Variants in BBS12 observed in about 807,000 individuals in gnomAD.
BBS12 encodes Bardet-Biedl syndrome 12.
In BBS12, 5 loss-of-function variants were observed where a neutral mutation model predicts 5.6. The ratio of observed to expected loss-of-function variants is 0.89; its 90% CI spans 0.46 to 1.86. BBS12 has a LOEUF of 1.86. Ranked by LOEUF, BBS12 falls within the 40% of genes most tolerant of loss-of-function variation. The pLI is 0.01. For synonymous variants in BBS12, 308 were observed against 306.8 expected, an observed-to-expected ratio of 1.00 and a Z score of -0.04; for missense variants, 748 against 830.4, an observed-to-expected ratio of 0.90 and a Z score of 1.22.
At chr4:122,740,066 T>A (rs1173737224) in intron 1 of BBS12, among the ~76,000 whole-genome samples, 1 of 152,094 alleles carries the variant, frequency 6.6e-6, no homozygotes, top group East Asian at 1.9e-4. Flanking sequence ...AGCCTGGTAC[T>A]TCAAGACCAG....
the BBS12 span, among the ~76,000 whole-genome samples, chr4:122,709,011 A>G: frequency 6.6e-6 from 1 of 152,168 alleles, no homozygotes; most frequent in Non-Finnish European, 1.5e-5. Flanking sequence ...AAAGCAAAAC[A>G]ACACCAAGAA....
At chr4:122,713,833 A>G in the BBS12 span, among the ~76,000 whole-genome samples, 1 of 152,038 alleles carries the variant, frequency 6.6e-6, no homozygotes, top group Admixed American at 6.6e-5. Flanking sequence ...AAAAGATTAT[A>G]CCCTTTTTCA....
chr4:122,743,536 C>CTG lies in BBS12; in HGVS notation c.1646_1647dup (p.Leu550ValfsTer10). ...GTGCAGTTGAATTTTTGTGTCTTAG[C>CTG]TGTCTTCATATTCTTGCAGAGCAAT... On this transcript the variant is annotated frameshift_variant, in exon 2 of 2. Coordinates refer to ENST00000314218, the MANE Select transcript of BBS12 (RefSeq NM_152618.3). LOFTEE classifies it low-confidence loss of function (END_TRUNC). 1 of 1,614,226 alleles carries CTG rather than the reference C, an allele frequency of 6.2e-7. No homozygotes were observed. The highest frequency in any genetic ancestry group is 8.5e-7 in the Non-Finnish European group (1 of 1,180,042).
intron 1 of BBS12, among the ~76,000 whole-genome samples, chr4:122,736,828 G>T (rs1282349363): frequency 1.3e-5 from 2 of 152,092 alleles, no homozygotes; most frequent in African/African-American, 4.8e-5. Flanking sequence ...TTTATATTAT[G>T]TTAATTATAG....
the BBS12 span, among the ~76,000 whole-genome samples, chr4:122,726,739 G>A: frequency 5.3e-5 from 8 of 152,136 alleles, no homozygotes; most frequent in Non-Finnish European, 1.0e-4. Context: ...TAAGGAAATT[G>A]TCATATATAT....
rs2150738027 is a variant in BBS12, at chr4:122,743,909, TG to T, written c.2019del (p.Trp673CysfsTer7). 1 of 1,606,714 alleles carries T rather than the reference TG, an allele frequency of 6.2e-7. No individual in the cohort carries two copies. The highest frequency in any genetic ancestry group is 8.5e-7 in the Non-Finnish European group (1 of 1,176,470). On this transcript the variant is annotated frameshift_variant, in exon 2 of 2. Transcript: ENST00000314218. LOFTEE classifies it high-confidence loss of function. ...YDVVTPKIEAWRRALDLVLLV... is the reference protein window; with the variant it reads ...YDVVTPKIEAXRRALDLVLLV... ...CGTTGTTACACCAAAGATTGAGGCG[TG>T]GCGCCGAGCATTGGATTTAGTATTG...
At chr4:122,707,317 T>C in the BBS12 span, among the ~76,000 whole-genome samples, 5 of 151,822 alleles carry the variant, frequency 3.3e-5, no homozygotes, top group African/African-American at 1.2e-4. Context: ...CCCCACAAAT[T>C]TTATAGTCAG....
At chr4:122,705,581 A>C in the BBS12 span, among the ~76,000 whole-genome samples, 1 of 152,246 alleles carries the variant, frequency 6.6e-6, no homozygotes, top group East Asian at 1.9e-4. Context: ...CATTTGCTAA[A>C]TTAGCAAGTG....
At chr4:122,739,003 A>G (rs1439988560) in intron 1 of BBS12, among the ~76,000 whole-genome samples, 1 of 152,230 alleles carries the variant, frequency 6.6e-6, no homozygotes, top group Non-Finnish European at 1.5e-5. Context: ...TGGGCCCTAA[A>G]TCCAATGACT....
intron 1 of BBS12, among the ~76,000 whole-genome samples, chr4:122,739,678 G>A (rs776550357): frequency 6.6e-6 from 1 of 152,262 alleles, no homozygotes. Context: ...CATGTAGACA[G>A]CTTCGGAGGG....
chr4:122,725,568 A>T, the BBS12 span, among the ~76,000 whole-genome samples: 1 of 152,218 alleles, frequency 6.6e-6, no homozygotes, highest in African/African-American at 2.4e-5. Flanking sequence ...CACATGTAAG[A>T]GAATGAAACT....
Position 122,741,756 on chromosome 4 carries a change from C to G in BBS12, c.-10-127C>G, listed in dbSNP as rs1800875059. On this transcript the variant is annotated intron_variant, in intron 1 of 1. Coordinates refer to ENST00000314218, the MANE Select transcript of BBS12 (RefSeq NM_152618.3). Reference sequence around the variant, plus strand: ...AGAATAATAATACTGTATCATTGCACTGACCACTTTTCATGGAAATTATAT... The same window carrying G: ...AGAATAATAATACTGTATCATTGCAGTGACCACTTTTCATGGAAATTATAT... 6.6e-6 allele frequency: 5 copies of G among 762,188 alleles called. No individual in the cohort carries two copies. In the African/African-American group the frequency reaches 8.8e-5, roughly 13 times the overall value. 47.2% of individuals were successfully genotyped at this position (762,188 alleles called of 1,614,324 possible). A position where few individuals can be genotyped will look rare whatever the true frequency, so the allele number is the denominator to read the frequency against.
upstream of BBS12, chr4:122,728,418 T>C (rs1800653614): frequency 6.6e-6 from 1 of 152,214 alleles, no homozygotes; most frequent in African/African-American, 2.4e-5. Flanking sequence ...TAATATGCTA[T>C]CATTTGTGAA....
chr4:122,717,397 T>C, the BBS12 span, among the ~76,000 whole-genome samples: 6 of 152,000 alleles, frequency 3.9e-5, no homozygotes, highest in South Asian at 1.2e-3. Flanking sequence ...TATTCTTTCT[T>C]TTTTTTTAAG....
the BBS12 span, among the ~76,000 whole-genome samples, chr4:122,704,086 G>C: frequency 6.6e-6 from 1 of 152,180 alleles, no homozygotes; most frequent in East Asian, 1.9e-4. Context: ...TTGGGCTCAA[G>C]TGATGCTCCT....
chr4:122,742,269 A>G lies in BBS12; in HGVS notation c.377A>G (p.Glu126Gly). The change falls in exon 2 of 2, where the codon GAG becomes GGG. Residue 126 changes from glutamate to glycine, a missense_variant. Physicochemically the swap from Glu to Gly is moderately conservative, Grantham distance 98. Coordinates refer to ENST00000314218, the MANE Select transcript of BBS12 (RefSeq NM_152618.3). The stretch of plus-strand genomic sequence containing the variant: ...GAAGGCTTAAACTTTTGTAGTGAAG[A>G]GGTAGTTTCTCTTCATGTACCTGTT... ...MSEGLNFCSEEVVSLHVPVHN... is the reference protein window; with the variant it reads ...MSEGLNFCSEGVVSLHVPVHN... The G allele has an allele frequency of 6.2e-7, 1 of 1,613,840 alleles. No homozygotes were observed. Among genetic ancestry groups the G allele is most frequent in the Non-Finnish European group, 8.5e-7 (1 of 1,179,966 alleles).
the BBS12 span, among the ~76,000 whole-genome samples, chr4:122,714,319 T>G: frequency 6.6e-6 from 1 of 152,166 alleles, no homozygotes. Context: ...AGAAAATAAG[T>G]TTTGCTTGTT....
At chr4:122,735,514 G>A (rs1158511006) in intron 1 of BBS12, among the ~76,000 whole-genome samples, 1 of 152,152 alleles carries the variant, frequency 6.6e-6, no homozygotes, top group African/African-American at 2.4e-5. Flanking sequence ...CTCATTAGAA[G>A]CAATTAAAGG....
At chr4:122,731,060 G>A (rs1166791406), upstream of BBS12, 1 of 152,118 alleles carries the variant, frequency 6.6e-6, no homozygotes, top group East Asian at 1.9e-4. Flanking sequence ...AAGTAGCTGT[G>A]TTCTGATTTT....
Sources: gnomAD v4.1 joint callset for allele counts (sites outside exome capture counted in the v4.1 genomes callset) on GRCh38, gnomAD v4.1.1 for gene constraint, MANE v1.5 for transcripts, NCBI Gene and HGNC (gene_info 2026-07-23, HGNC 2026-07-21) for gene names.